ATP9A: variants seen among roughly 807,000 people sequenced by gnomAD.
The protein encoded by ATP9A is ATPase phospholipid transporting 9A.
ATP9A carries 52 observed loss-of-function variants against 144.1 expected under a neutral mutation model. The observed-to-expected ratio is 0.36, with a 90% CI of 0.29 to 0.45. The LOEUF (loss-of-function observed/expected upper bound fraction) is 0.45. Among genes scored for constraint, ATP9A ranks in the 20% least tolerant of loss-of-function variants. ATP9A has a pLI of 1.00. For synonymous variants in ATP9A, 582 were observed against 557.4 expected (o/e 1.04, Z -0.62); for missense variants, 947 against 1,392.7 (o/e 0.68, Z 5.09).
At chr20:51,736,817 G>T (rs149699622) in intron 1 of ATP9A, among the ~76,000 whole-genome samples, 2 of 152,046 alleles carry the variant, frequency 1.3e-5, no homozygotes, top group Admixed American at 6.6e-5. Flanking sequence ...TATGAGGCTG[G>T]TGCCATCATC....
At chr20:51,752,882 C>T (rs1211288780) in intron 1 of ATP9A, among the ~76,000 whole-genome samples, 2 of 152,120 alleles carry the variant, frequency 1.3e-5, no homozygotes, top group African/African-American at 2.4e-5. Flanking sequence ...GTGGGTGGAT[C>T]ACCTGAGGCT....
chr20:51,735,342 A>G (rs928518409), intron 1 of ATP9A, among the ~76,000 whole-genome samples: 3 of 128,258 alleles, frequency 2.3e-5, no homozygotes, highest in African/African-American at 6.4e-5. Context: ...TTGCATGAGC[A>G]CAGACAATCT....
intron 14 of ATP9A, among the ~76,000 whole-genome samples, chr20:51,652,002 C>T (rs1048218399): frequency 6.6e-6 from 1 of 152,000 alleles, no homozygotes; most frequent in Admixed American, 6.5e-5. Flanking sequence ...ATGGACAGAG[C>T]TGATCCTAGC....
intron 26 of ATP9A, 38 bp from the exon 27 acceptor site, chr20:51,605,058 C>A: frequency 6.6e-7 from 1 of 1,524,830 alleles, no homozygotes; most frequent in Admixed American, 2.0e-5. Flanking sequence ...CTCACCCTCC[C>A]TGCGAAAGCC....
rs903750156 is a variant in ATP9A at position 51,611,203 on chromosome 20, C to T, written c.2572-1038G>A. On this transcript the variant is annotated intron_variant, in intron 23 of 27. Transcript: ENST00000338821. This position sits in a 1 kb window ranked among gnomAD's most constrained non-coding sequence, Gnocchi z 4.2. ...AGCTCCCCAGAGCACCTTCAATGGA[C>T]ACAGAGAGAAAGCATGTAAGAAACA... Among the ~76,000 whole-genome samples the T allele has an allele frequency of 2.0e-4, 31 of 152,208 alleles. No homozygotes were observed. Among genetic ancestry groups the T allele is most frequent in the African/African-American group, 7.5e-4 (31 of 41,440 alleles).
chr20:51,647,208 A>C (rs2077345596), intron 14 of ATP9A, among the ~76,000 whole-genome samples: 1 of 152,212 alleles, frequency 6.6e-6, no homozygotes, highest in African/African-American at 2.4e-5. Flanking sequence ...ATAAATACTT[A>C]AGAAGAAAGA....
chr20:51,633,704 C>G (rs1437311717), intron 15 of ATP9A, among the ~76,000 whole-genome samples: 2 of 151,732 alleles, frequency 1.3e-5, no homozygotes, highest in Non-Finnish European at 2.9e-5. Context: ...CATGTTCATA[C>G]CACTGCACTC....
chr20:51,640,139 C>T (rs967836410), intron 14 of ATP9A, among the ~76,000 whole-genome samples: 3 of 152,044 alleles, frequency 2.0e-5, no homozygotes, highest in African/African-American at 4.8e-5. Context: ...GGCACAATTA[C>T]GGATCACTCC....
In ATP9A at chr20:51,600,196, A is replaced by G. The variant is rs2077136380; in HGVS notation, c.*1015T>C. The stretch of plus-strand genomic sequence containing the variant: ...AAGATGCCTCTGCCTTTGTGGGGTC[A>G]TCTTCCATTATGCCTCCTAACAGGA... On this transcript the variant is annotated 3_prime_UTR_variant, in exon 28 of 28. Transcript: ENST00000338821. 6.6e-6 allele frequency: 1 copy of G among 152,184 alleles called. No homozygotes were observed. Among genetic ancestry groups the G allele is most frequent in the African/African-American group, 2.4e-5 (1 of 41,430 alleles). 9.4% of individuals were successfully genotyped at this position (152,184 alleles called of 1,614,324 possible). A position where few individuals can be genotyped will look rare whatever the true frequency, so the allele number is the denominator to read the frequency against.
At chr20:51,658,739 C>T (rs565728469) in intron 13 of ATP9A, among the ~76,000 whole-genome samples, 10 of 151,816 alleles carry the variant, frequency 6.6e-5, no homozygotes, top group East Asian at 5.9e-4. Flanking sequence ...AGGCTGGTCT[C>T]GAACTCCTGA....
intron 1 of ATP9A, among the ~76,000 whole-genome samples, chr20:51,763,091 C>T (rs974886836): frequency 7.2e-5 from 11 of 152,054 alleles, no homozygotes; most frequent in African/African-American, 2.7e-4. Context: ...ACACAAAAGG[C>T]AACACGTGGT....
chr20:51,599,436 CA>C lies in ATP9A; in HGVS notation c.*1774del, dbSNP rs1199992908. On this transcript the variant is annotated 3_prime_UTR_variant, in exon 28 of 28. Transcript: ENST00000338821. The stretch of plus-strand genomic sequence containing the variant: ...GCTCAATCTTTCTGAAATTTTTGGA[CA>C]AAGATCCTATCCTTAACTATTCACT... The C allele has an allele frequency of 1.3e-5, 2 of 152,174 alleles. No homozygotes were observed. Among genetic ancestry groups the C allele is most frequent in the Admixed American group, 6.5e-5 (1 of 15,274 alleles). 9.4% of individuals were successfully genotyped at this position (152,174 alleles called of 1,614,324 possible).
chr20:51,639,063 T>C (rs529866971), intron 15 of ATP9A, among the ~76,000 whole-genome samples: 1 of 152,188 alleles, frequency 6.6e-6, no homozygotes, highest in African/African-American at 2.4e-5. Flanking sequence ...ATGTTCAATA[T>C]TAAACAAAAG....
intron 11 of ATP9A, among the ~76,000 whole-genome samples, chr20:51,672,423 A>G (rs1474007853): frequency 1.3e-5 from 2 of 152,164 alleles, no homozygotes; most frequent in African/African-American, 4.8e-5. Context: ...CCAATTTTTA[A>G]TCATGTTACA....
intron 1 of ATP9A, among the ~76,000 whole-genome samples, chr20:51,730,363 G>A (rs1476300367): frequency 1.3e-5 from 2 of 152,200 alleles, no homozygotes; most frequent in African/African-American, 2.4e-5. Context: ...AGCTACTCAG[G>A]AGGCTGAGGG....
chr20:51,630,834 G>A (rs984284904), intron 15 of ATP9A, among the ~76,000 whole-genome samples: 4 of 152,008 alleles, frequency 2.6e-5, no homozygotes, highest in Non-Finnish European at 2.9e-5. Flanking sequence ...TGATGTTATC[G>A]CACAAATTAC....
At chr20:51,629,965 G>A (rs1447711466) in intron 15 of ATP9A, among the ~76,000 whole-genome samples, 1 of 152,232 alleles carries the variant, frequency 6.6e-6, no homozygotes, top group East Asian at 1.9e-4. Context: ...CAGCCATACT[G>A]TACGTAGAGA....
chr20:51,626,281 G>T (rs1031649433), intron 17 of ATP9A, among the ~76,000 whole-genome samples: 1 of 152,194 alleles, frequency 6.6e-6, no homozygotes, highest in African/African-American at 2.4e-5. Context: ...CTGAGGTCAG[G>T]AGTTTGAGAC....
rs889886402 is a variant in ATP9A, at chr20:51,756,065, C to G, written c.68+12237G>C. 3.9e-5 allele frequency among the ~76,000 whole-genome samples: 6 copies of G among 151,966 alleles called. 1 individual carries two copies. Among genetic ancestry groups the G allele is most frequent in the Non-Finnish European group, 8.8e-5 (6 of 67,922 alleles). On this transcript the variant is annotated intron_variant, in intron 1 of 27. Coordinates refer to ENST00000338821, the MANE Select transcript of ATP9A (RefSeq NM_006045.3). ...TGCCAAGATGGCAATAAATGAGACG[C>G]TTTCTACGTTAGTTTCCTTGGGCTG...
Sources: allele counts gnomAD v4.1 joint callset (sites outside exome capture counted in the v4.1 genomes callset), GRCh38; gene constraint gnomAD v4.1.1; non-coding constraint Gnocchi (gnomAD v3.1); transcripts MANE v1.5; gene names NCBI Gene and HGNC (gene_info 2026-07-23, HGNC 2026-07-21).